The following THSD7B variants were observed in gnomAD, a reference collection of about 807,000 sequenced individuals.
THSD7B encodes the protein thrombospondin type 1 domain containing 7B.
A neutral mutation model predicts 213.6 loss-of-function variants in THSD7B; 138 were observed. The observed-to-expected ratio is 0.65, with a 90% CI of 0.56 to 0.74. The LOEUF (loss-of-function observed/expected upper bound fraction) is 0.74, where lower values mean the gene tolerates loss of function less well. THSD7B is among the 30% of genes least tolerant of loss of function. The pLI is 0.00. For missense variants in THSD7B, 1,931 were observed against 1,991.5 expected, an observed-to-expected ratio of 0.97 and a Z score of 0.58; for synonymous variants, 742 against 687.0, an observed-to-expected ratio of 1.08 and a Z score of -1.25.
chr2:137,613,870 C>T (rs894568988), intron 17 of THSD7B, among the ~76,000 whole-genome samples: 5 of 152,054 alleles, frequency 3.3e-5, no homozygotes, highest in African/African-American at 1.2e-4. Context: ...TTTGTATAAA[C>T]AGCTAATAGA....
At chr2:136,939,041 A>G (rs1160127577) in intron 2 of THSD7B, among the ~76,000 whole-genome samples, 1 of 152,176 alleles carries the variant, frequency 6.6e-6, no homozygotes, top group African/African-American at 2.4e-5. Flanking sequence ...CCTATTGTCC[A>G]TTAGCCTACC....
At chr2:136,807,269 C>T (rs957200254) in intron 1 of THSD7B, among the ~76,000 whole-genome samples, 74 of 152,234 alleles carry the variant, frequency 4.9e-4, no homozygotes, top group African/African-American at 1.7e-3. Flanking sequence ...TTTTTCTGTG[C>T]AGGAGATATT....
intron 12 of THSD7B, among the ~76,000 whole-genome samples, chr2:137,315,582 C>T (rs1684077191): frequency 6.6e-6 from 1 of 152,106 alleles, no homozygotes; most frequent in African/African-American, 2.4e-5. Context: ...GCGTCTCTAT[C>T]AACTTTTTTT....
intron 15 of THSD7B, among the ~76,000 whole-genome samples, chr2:137,453,325 A>ATTTTT: frequency 1.5e-5 from 1 of 65,576 alleles, no homozygotes; most frequent in Non-Finnish European, 3.1e-5. Context: ...TTTGAAATTT[A>ATTTTT]CTTTTTTTTT....
intron 1 of THSD7B, among the ~76,000 whole-genome samples, chr2:136,874,799 A>G (rs969142551): frequency 6.6e-6 from 1 of 152,194 alleles, no homozygotes; most frequent in Admixed American, 6.5e-5. Flanking sequence ...GCTAAGATAT[A>G]TAGTAAAGAA....
intron 2 of THSD7B, among the ~76,000 whole-genome samples, chr2:136,926,628 A>T (rs752238629): frequency 2.0e-5 from 3 of 152,052 alleles, no homozygotes; most frequent in Non-Finnish European, 2.9e-5. Context: ...TGAGAGGTCA[A>T]GGCTTCAGTG....
chr2:136,792,508 C>T (rs998388115), intron 1 of THSD7B, among the ~76,000 whole-genome samples: 4 of 151,966 alleles, frequency 2.6e-5, no homozygotes, highest in Admixed American at 6.6e-5. Context: ...CTGGTGTAAA[C>T]GATGGGCTTC....
At chr2:137,457,624 C>T (rs1472895361) in intron 15 of THSD7B, among the ~76,000 whole-genome samples, 7 of 152,194 alleles carry the variant, frequency 4.6e-5, no homozygotes, top group Non-Finnish European at 7.3e-5. Context: ...CCAAGTGCTT[C>T]AAGTAGAAGC....
rs191864989 is a variant in THSD7B, at chr2:137,075,493, T to C, written c.950+18263T>C. Among the ~76,000 whole-genome samples, 22 of 152,310 alleles carry C rather than the reference T, an allele frequency of 1.4e-4. No individual in the cohort carries two copies. The East Asian group carries it at 4.2e-3, about 29-fold the overall frequency. ...ATTCTAGTTATCCATTCATCTAATTTTTTTTCAAAGCTTTTAACTTCTTTC... is the reference window on the plus strand; with the variant it reads ...ATTCTAGTTATCCATTCATCTAATTCTTTTTCAAAGCTTTTAACTTCTTTC... On this transcript the variant is annotated intron_variant, in intron 3 of 27. Transcript: ENST00000409968.
intron 2 of THSD7B, among the ~76,000 whole-genome samples, chr2:136,934,175 C>G (rs192885210): frequency 2.6e-5 from 4 of 152,220 alleles, no homozygotes; most frequent in African/African-American, 4.8e-5. Flanking sequence ...TTTCCAGAAA[C>G]TTTTTATAGT....
At chr2:137,339,926 C>A (rs1271232358) in intron 12 of THSD7B, among the ~76,000 whole-genome samples, 1 of 150,822 alleles carries the variant, frequency 6.6e-6, no homozygotes, top group Non-Finnish European at 1.5e-5. Flanking sequence ...AGCTTCTCTC[C>A]TTATGTATGT....
At chr2:137,579,374 A>G (rs1157878581) in intron 17 of THSD7B, among the ~76,000 whole-genome samples, 2 of 152,202 alleles carry the variant, frequency 1.3e-5, no homozygotes, top group Non-Finnish European at 2.9e-5. Flanking sequence ...CTTCTTGGGT[A>G]TAAAGCCAGC....
At chr2:137,074,439 T>C (rs1687571942) in intron 3 of THSD7B, among the ~76,000 whole-genome samples, 1 of 152,196 alleles carries the variant, frequency 6.6e-6, no homozygotes, top group African/African-American at 2.4e-5. Context: ...ATTTGCTTGG[T>C]AGATCTTCCT....
chr2:137,127,983 C>A (rs778791546), intron 5 of THSD7B, among the ~76,000 whole-genome samples: 30 of 151,850 alleles, frequency 2.0e-4, no homozygotes, highest in Non-Finnish European at 3.7e-4. Flanking sequence ...ATATTAAACA[C>A]AATAAATATA....
At chr2:137,494,015 A>G (rs1553454733) in intron 15 of THSD7B, among the ~76,000 whole-genome samples, 1 of 152,196 alleles carries the variant, frequency 6.6e-6, no homozygotes, top group Non-Finnish European at 1.5e-5. Context: ...TAGTAAATAA[A>G]TTGAACAATA....
At chr2:137,460,079 A>G (rs570993741) in intron 15 of THSD7B, among the ~76,000 whole-genome samples, 30 of 152,282 alleles carry the variant, frequency 2.0e-4, no homozygotes, top group African/African-American at 7.0e-4. Context: ...TGTCTGCATG[A>G]TACCATACCC....
chr2:137,262,861 G>A (rs912013756), intron 10 of THSD7B, among the ~76,000 whole-genome samples: 1 of 152,092 alleles, frequency 6.6e-6, no homozygotes, highest in Non-Finnish European at 1.5e-5. Context: ...TGAGAGTAGG[G>A]TGGGGCACTA....
At chr2:137,008,264 A>G (rs1686153793) in intron 2 of THSD7B, among the ~76,000 whole-genome samples, 1 of 152,180 alleles carries the variant, frequency 6.6e-6, no homozygotes, top group African/African-American at 2.4e-5. Flanking sequence ...GTGGAAATGC[A>G]TCTTAATGAG....
chr2:137,624,268 C>A (rs1466936814), intron 20 of THSD7B, among the ~76,000 whole-genome samples: 6 of 152,158 alleles, frequency 3.9e-5, no homozygotes, highest in Admixed American at 3.9e-4. Context: ...GAAAACTGGC[C>A]AGCCAGATGT....
Sources: allele counts gnomAD v4.1 joint callset (sites outside exome capture counted in the v4.1 genomes callset), GRCh38; gene constraint gnomAD v4.1.1; transcripts MANE v1.5; gene names NCBI Gene and HGNC (gene_info 2026-07-23, HGNC 2026-07-21).